Variants in PSD3 observed in about 807,000 individuals in gnomAD.
The protein encoded by PSD3 is PH and SEC7 domain-containing protein 3.
A neutral mutation model predicts 105.5 loss-of-function variants in PSD3; 49 were observed. The ratio of observed to expected loss-of-function variants is 0.46; its 90% CI spans 0.37 to 0.59. PSD3 has a LOEUF of 0.59. PSD3 is among the 20% of genes least tolerant of loss of function. The probability of loss-of-function intolerance (pLI) is 0.00; values close to 1 mark genes in which losing one functional copy is unlikely to be tolerated. For missense variants in PSD3, 1,561 were observed against 1,263.8 expected, an observed-to-expected ratio of 1.24 and a Z score of -3.57; for synonymous variants, 557 against 457.8, an observed-to-expected ratio of 1.22 and a Z score of -2.77.
intron 1 of PSD3, among the ~76,000 whole-genome samples, chr8:18,977,614 TGA>T (rs1825015175): frequency 6.6e-6 from 1 of 152,180 alleles, no homozygotes; most frequent in African/African-American, 2.4e-5. Context: ...TATTCTGATA[TGA>T]GAGATGTATA....
At chr8:18,735,049 A>C (rs963854155) in intron 9 of PSD3, among the ~76,000 whole-genome samples, 4 of 152,224 alleles carry the variant, frequency 2.6e-5, no homozygotes, top group African/African-American at 9.6e-5. Flanking sequence ...AGGACCACTC[A>C]TGCCTTAGCA....
At chr8:18,622,298 ACCT>A (rs1806169453) in intron 11 of PSD3, among the ~76,000 whole-genome samples, 1 of 152,068 alleles carries the variant, frequency 6.6e-6, no homozygotes, top group Admixed American at 6.6e-5. Context: ...ATTTCTTCCC[ACCT>A]CCTCTGTTCC....
At chr8:18,732,153 TA>T (rs954006197) in intron 9 of PSD3, among the ~76,000 whole-genome samples, 2 of 150,064 alleles carry the variant, frequency 1.3e-5, no homozygotes, top group African/African-American at 2.5e-5. Context: ...ATAAAGCTGG[TA>T]AAAAAACAAC....
chr8:18,925,364 C>T (rs1821294720), intron 2 of PSD3, among the ~76,000 whole-genome samples: 1 of 151,990 alleles, frequency 6.6e-6, no homozygotes, highest in Non-Finnish European at 1.5e-5. Flanking sequence ...TGTGCTACCA[C>T]ACTTCCAGGC....
chr8:18,696,227 G>A (rs927731066), intron 9 of PSD3, among the ~76,000 whole-genome samples: 1 of 152,166 alleles, frequency 6.6e-6, no homozygotes, highest in Non-Finnish European at 1.5e-5. Context: ...GCCCAATCCT[G>A]CTTCCTTTCC....
At chr8:18,891,791 A>C (rs931454262) in intron 2 of PSD3, among the ~76,000 whole-genome samples, 2 of 152,242 alleles carry the variant, frequency 1.3e-5, no homozygotes, top group Admixed American at 1.3e-4. Context: ...AAAATAATCA[A>C]AAGAGGATCC....
intron 1 of PSD3, among the ~76,000 whole-genome samples, chr8:19,039,430 T>G (rs181485380): frequency 6.6e-5 from 10 of 152,330 alleles, no homozygotes; most frequent in Admixed American, 3.9e-4. Flanking sequence ...TAACTACTTT[T>G]CTGTATCCTG....
intron 15 of PSD3, among the ~76,000 whole-genome samples, chr8:18,545,129 C>G (rs1563307588): frequency 6.6e-6 from 1 of 152,228 alleles, no homozygotes. Context: ...CACTGTTTCT[C>G]TAGCTCTCAA....
intron 13 of PSD3, among the ~76,000 whole-genome samples, chr8:18,574,405 T>C (rs1802348690): frequency 6.6e-6 from 1 of 152,194 alleles, no homozygotes; most frequent in Admixed American, 6.5e-5. Flanking sequence ...TTTGAAAGTT[T>C]CTTTATGCCC....
chr8:18,855,333 TTCCATGTGTTCC>T (rs1815920361), intron 4 of PSD3, among the ~76,000 whole-genome samples: 1 of 152,236 alleles, frequency 6.6e-6, no homozygotes, highest in East Asian at 1.9e-4. Context: ...AGAGAAGTTC[TTCCATGTGTTCC>T]CAAAAAGCCA....
At chr8:19,063,880 A>T (rs1373122631) in intron 1 of PSD3, among the ~76,000 whole-genome samples, 1 of 152,162 alleles carries the variant, frequency 6.6e-6, no homozygotes, top group Non-Finnish European at 1.5e-5. Context: ...AGTGGCTCAG[A>T]CCTGTAATTC....
chr8:18,655,430 G>A (rs1241563344), intron 10 of PSD3, among the ~76,000 whole-genome samples: 1 of 151,968 alleles, frequency 6.6e-6, no homozygotes, highest in Non-Finnish European at 1.5e-5. Flanking sequence ...AAAACCACAG[G>A]ATACTCTGGG....
At chr8:18,755,429 C>CAACATAACATAACATAACAT (rs372407715) in intron 9 of PSD3, among the ~76,000 whole-genome samples, 2,796 of 136,820 alleles carry the variant, frequency 0.02, 39 homozygotes, top group East Asian at 0.025. Context: ...GACCCTGTCT[C>CAACATAACATAACATAACAT]AACATAACAT....
intron 1 of PSD3, among the ~76,000 whole-genome samples, chr8:19,046,677 A>G (rs961834222): frequency 3.3e-5 from 5 of 152,216 alleles, no homozygotes; most frequent in African/African-American, 1.2e-4. Context: ...TTCTGAGTTG[A>G]TGCAATGTTG....
intron 1 of PSD3, among the ~76,000 whole-genome samples, chr8:18,944,203 T>A (rs1057241208): frequency 6.6e-6 from 1 of 152,218 alleles, no homozygotes; most frequent in African/African-American, 2.4e-5. Context: ...GCTTTCACTT[T>A]GTCCAATTAC....
intron 1 of PSD3, among the ~76,000 whole-genome samples, chr8:18,961,999 A>G (rs908278979): frequency 3.7e-4 from 56 of 152,128 alleles, no homozygotes; most frequent in African/African-American, 1.3e-3. Context: ...GAATCCCAGC[A>G]CTTTGGGAGA....
At chr8:18,539,991 C>T (rs1585199398) in intron 15 of PSD3, among the ~76,000 whole-genome samples, 3 of 152,084 alleles carry the variant, frequency 2.0e-5, no homozygotes, top group African/African-American at 7.2e-5. Context: ...CCTCTTCTTT[C>T]GTACTAATGG....
At chr8:19,039,816 G>T (rs1338577532) in intron 1 of PSD3, among the ~76,000 whole-genome samples, 1 of 152,192 alleles carries the variant, frequency 6.6e-6, no homozygotes, top group Non-Finnish European at 1.5e-5. Flanking sequence ...GGGAAATAGT[G>T]GAGAATGAAG....
At chr8:19,065,406 A>T (rs1456156180) in intron 1 of PSD3, among the ~76,000 whole-genome samples, 2 of 152,100 alleles carry the variant, frequency 1.3e-5, no homozygotes, top group Non-Finnish European at 2.9e-5. Flanking sequence ...ATAGCGTCAG[A>T]TCCCACAGCT....
Sources: gnomAD v4.1 joint callset for allele counts (sites outside exome capture counted in the v4.1 genomes callset) on GRCh38, gnomAD v4.1.1 for gene constraint, MANE v1.5 for transcripts, NCBI Gene and HGNC (gene_info 2026-07-23, HGNC 2026-07-21) for gene names.